GRID2: variants seen among roughly 807,000 people sequenced by gnomAD.
The protein encoded by GRID2 is glutamate ionotropic receptor delta type subunit 2.
A neutral mutation model predicts 114.8 loss-of-function variants in GRID2; 33 were observed. That is an observed-to-expected ratio of 0.29 (90% CI 0.22 to 0.38). The LOEUF (loss-of-function observed/expected upper bound fraction) is 0.38, where lower values mean the gene tolerates loss of function less well. Among genes scored for constraint, GRID2 ranks in the 10% least tolerant of loss-of-function variants. GRID2 has a pLI of 1.00. For missense variants in GRID2, 1,184 were observed against 1,257.7 expected, an observed-to-expected ratio of 0.94 and a Z score of 0.89; for synonymous variants, 505 against 449.9, an observed-to-expected ratio of 1.12 and a Z score of -1.55.
chr4:93,547,295 A>G (rs180758591), intron 13 of GRID2, among the ~76,000 whole-genome samples: 1 of 152,316 alleles, frequency 6.6e-6, no homozygotes, highest in East Asian at 1.9e-4. Flanking sequence ...CCCTGCTTTC[A>G]TCTAAGATCC....
intron 2 of GRID2, among the ~76,000 whole-genome samples, chr4:92,859,996 T>C (rs1744421582): frequency 6.6e-6 from 1 of 152,192 alleles, no homozygotes. Context: ...CAAAGCTGCC[T>C]CTAGCTGAGA....
intron 2 of GRID2, among the ~76,000 whole-genome samples, chr4:92,877,647 C>T (rs1390279339): frequency 6.6e-6 from 1 of 152,144 alleles, no homozygotes; most frequent in African/African-American, 2.4e-5. Flanking sequence ...AGGCTACAAT[C>T]AGGATACCTC....
chr4:92,337,483 A>G (rs748499309), intron 1 of GRID2, among the ~76,000 whole-genome samples: 1 of 152,208 alleles, frequency 6.6e-6, no homozygotes, highest in Non-Finnish European at 1.5e-5. Context: ...GGGCAGAGGT[A>G]GAAGCTAAGT....
chr4:92,644,058 C>T (rs1452665155), intron 2 of GRID2, among the ~76,000 whole-genome samples: 1 of 151,544 alleles, frequency 6.6e-6, no homozygotes, highest in Non-Finnish European at 1.5e-5. Context: ...AAATCTACAA[C>T]TAGATCTGAC....
rs369435610 is a variant in GRID2, at chr4:93,310,609, A to G, written c.1245+72119A>G. On this transcript the variant is annotated intron_variant, in intron 8 of 15. Transcript: ENST00000282020. ...TGTGGAAAATCCTTAAATCTGTTTG[A>G]CAAATTGAGTTGAAAGTGTTGAATT... Among the ~76,000 whole-genome samples, 5 of 152,194 alleles carry G rather than the reference A, an allele frequency of 3.3e-5. No homozygotes were observed. In the East Asian group the frequency reaches 9.6e-4, roughly 29 times the overall value.
intron 1 of GRID2, among the ~76,000 whole-genome samples, chr4:92,485,301 CATATATATATATATATATAT>C (rs34583484): frequency 0.014 from 766 of 56,568 alleles, 23 homozygotes; most frequent in East Asian, 0.036. Context: ...AAGGTGTGTG[CATATATATATATATATATAT>C]ATATATATAT....
At chr4:93,357,329 T>G in intron 8 of GRID2, among the ~76,000 whole-genome samples, 1 of 151,518 alleles carries the variant, frequency 6.6e-6, no homozygotes, top group East Asian at 1.9e-4. Flanking sequence ...CATATTTTTC[T>G]TATTAATTCA....
chr4:92,457,704 T>G (rs1041429833), intron 1 of GRID2, among the ~76,000 whole-genome samples: 3 of 148,866 alleles, frequency 2.0e-5, no homozygotes. Flanking sequence ...ATAACAATCT[T>G]CAGCTGAGAC....
chr4:93,011,686 A>C (rs573291453), intron 2 of GRID2, among the ~76,000 whole-genome samples: 88 of 152,266 alleles, frequency 5.8e-4, no homozygotes, highest in African/African-American at 2.1e-3. Flanking sequence ...CTCAGGCATC[A>C]CATCGAGATG....
At chr4:93,495,766 A>G (rs574883697) in intron 12 of GRID2, among the ~76,000 whole-genome samples, 99 of 151,854 alleles carry the variant, frequency 6.5e-4, no homozygotes, top group South Asian at 5.0e-3. Flanking sequence ...ATAATACTAG[A>G]GGATTAAGGG....
At chr4:93,670,085 A>G (rs977182116) in intron 14 of GRID2, among the ~76,000 whole-genome samples, 2 of 152,188 alleles carry the variant, frequency 1.3e-5, no homozygotes, top group African/African-American at 4.8e-5. Flanking sequence ...CATAGATACT[A>G]GTAAAGTATG....
chr4:93,579,415 G>C (rs1284737163), intron 13 of GRID2, among the ~76,000 whole-genome samples: 1 of 151,982 alleles, frequency 6.6e-6, no homozygotes. Context: ...AACTTTAGGT[G>C]ATCTGCGGTC....
At chr4:93,750,173 T>C (rs906078653) in intron 14 of GRID2, among the ~76,000 whole-genome samples, 1 of 152,236 alleles carries the variant, frequency 6.6e-6, no homozygotes. Flanking sequence ...CTAAGGAGCT[T>C]GTAATCCTTT....
In GRID2 at chr4:93,524,877, G is replaced by T. The variant is rs1029263120; in HGVS notation, c.2193+9466G>T. Among the ~76,000 whole-genome samples the T allele has an allele frequency of 1.0e-4, 13 of 129,238 alleles. No individual in the cohort carries two copies. In the South Asian group the frequency reaches 1.7e-3, roughly 17 times the overall value. 84.8% of individuals were successfully genotyped at this position (129,238 alleles called of 152,430 possible). A position where few individuals can be genotyped will look rare whatever the true frequency, so the allele number is the denominator to read the frequency against. ...TATACAAATTCTGTGAATTATACTGGATGCTGATGCAACAGTGAAGTACTG... is the reference window on the plus strand; with the variant it reads ...TATACAAATTCTGTGAATTATACTGTATGCTGATGCAACAGTGAAGTACTG... On this transcript the variant is annotated intron_variant, in intron 13 of 15. Coordinates refer to ENST00000282020, the MANE Select transcript of GRID2 (RefSeq NM_001510.4).
At chr4:92,334,565 G>A (rs909098007) in intron 1 of GRID2, among the ~76,000 whole-genome samples, 1 of 152,028 alleles carries the variant, frequency 6.6e-6, no homozygotes, top group African/African-American at 2.4e-5. Context: ...GAGAGGAAGA[G>A]AGCAAGAGGA....
chr4:93,006,944 CTG>C (rs1251034609), intron 2 of GRID2, among the ~76,000 whole-genome samples: 1 of 151,476 alleles, frequency 6.6e-6, no homozygotes, highest in Admixed American at 6.6e-5. Context: ...ACAAAAAACC[CTG>C]TCTTAAATAT....
At chr4:92,866,352 T>C (rs1744860867) in intron 2 of GRID2, among the ~76,000 whole-genome samples, 1 of 152,206 alleles carries the variant, frequency 6.6e-6, no homozygotes, top group Admixed American at 6.5e-5. Context: ...CTTTTGGTAT[T>C]CTGCTTACCT....
chr4:93,120,649 G>A (rs1234258198), intron 4 of GRID2, among the ~76,000 whole-genome samples: 1 of 152,056 alleles, frequency 6.6e-6, no homozygotes, highest in Non-Finnish European at 1.5e-5. Flanking sequence ...AATGCATGCA[G>A]AGCTTAAAAC....
chr4:92,777,383 C>G (rs999416075), intron 2 of GRID2, among the ~76,000 whole-genome samples: 1 of 152,010 alleles, frequency 6.6e-6, no homozygotes, highest in Non-Finnish European at 1.5e-5. Context: ...TACCAGTCAC[C>G]GTGCCTCCAC....
Sources: allele counts gnomAD v4.1 joint callset (sites outside exome capture counted in the v4.1 genomes callset), GRCh38; gene constraint gnomAD v4.1.1; transcripts MANE v1.5; gene names NCBI Gene and HGNC (gene_info 2026-07-23, HGNC 2026-07-21).